Variants in DOCK6 observed in about 807,000 individuals in gnomAD.
DOCK6 encodes the protein dedicator of cytokinesis 6.
Under a neutral mutation model 230.3 loss-of-function variants are expected in DOCK6, and 167 were observed. The observed-to-expected ratio is 0.73, with a 90% CI of 0.64 to 0.82. The LOEUF (loss-of-function observed/expected upper bound fraction) is 0.82. DOCK6 is among the 40% of genes least tolerant of loss of function. The probability of loss-of-function intolerance (pLI) is 0.00; values close to 1 mark genes in which losing one functional copy is unlikely to be tolerated. For synonymous variants in DOCK6, 1,148 were observed against 1,185.0 expected, an observed-to-expected ratio of 0.97 and a Z score of 0.64; for missense variants, 2,598 against 2,825.8, an observed-to-expected ratio of 0.92 and a Z score of 1.83.
chr19:11,211,833 G>A lies in DOCK6; in HGVS notation c.4694C>T (p.Thr1565Met), dbSNP rs375331968. The A allele has an allele frequency of 3.4e-5, 53 of 1,552,350 alleles. No homozygotes were observed. The highest frequency in any genetic ancestry group is 4.3e-5 in the Non-Finnish European group (49 of 1,147,392). The change falls in exon 37 of 48, where the codon ACG becomes ATG. Residue 1565 changes from threonine (T) to methionine (M), a missense_variant. Transcript: ENST00000294618. ...CTCCTGGTGTTCCTTCATCTTCACC[G>A]TGTCCGTCAGGATCATGTGCAGGTT... ...MFNLHMILTD[T>M]VKMKEHQEDP...
chr19:11,248,258 G>T, intron 6 of DOCK6, 107 bp from the exon 7 acceptor site: 2 of 804,566 alleles, frequency 2.5e-6, no homozygotes, highest in South Asian at 1.8e-5. Context: ...CTGACTAACC[G>T]TCTTTCCATC....
chr19:11,255,283 G>A (rs933976462), intron 1 of DOCK6, among the ~76,000 whole-genome samples: 16 of 150,628 alleles, frequency 1.1e-4, no homozygotes, highest in African/African-American at 3.4e-4. Context: ...GGGATTACAG[G>A]CATGAGCCAC....
chr19:11,249,533 AT>A (rs1400667927), intron 6 of DOCK6, among the ~76,000 whole-genome samples: 1 of 150,780 alleles, frequency 6.6e-6, no homozygotes, highest in Non-Finnish European at 1.5e-5. Flanking sequence ...TATTTTATAT[AT>A]TTTTTTACCT....
At position 11,215,514 on chromosome 19, in the gene DOCK6, G is replaced by A; in HGVS notation, c.4022-43C>T. On this transcript the variant is annotated intron_variant, in intron 31 of 47. Coordinates refer to ENST00000294618, the MANE Select transcript of DOCK6 (RefSeq NM_020812.4). ...ACGATCACAGATGCGTAAAAACACA[G>A]GGCACACGTGAACATCAGGAGAAAT... 1.9e-6 allele frequency: 3 copies of A among 1,556,604 alleles called. 1 individual carries two copies. Among genetic ancestry groups the A allele is most frequent in the South Asian group, 2.3e-5 (2 of 88,416 alleles).
chr19:11,245,931 A>C (rs2080025936), intron 7 of DOCK6, 53 bp from the exon 8 acceptor site: 2 of 1,547,814 alleles, frequency 1.3e-6, no homozygotes, highest in African/African-American at 2.7e-5. Flanking sequence ...CGCTGTCCAC[A>C]CACCCCACTC....
intron 24 of DOCK6, among the ~76,000 whole-genome samples, chr19:11,224,224 T>C (rs1472039891): frequency 3.3e-5 from 5 of 151,426 alleles, no homozygotes. Flanking sequence ...CTTTTTTTTT[T>C]TTTTGAGACG....
In DOCK6 at chr19:11,201,853, CT is replaced by C; in HGVS notation, c.5688+35del. On this transcript the variant is annotated intron_variant, in intron 44 of 47. Transcript: ENST00000294618. The surrounding 1 kb of genome is among the most constrained non-coding windows in gnomAD (Gnocchi z 4.3). ...CTCCCAGGGTCTGATGTCCCCTCAC[CT>C]CCCCACCCCCGCCAGGCCCAGGATC... 7 of 1,485,822 alleles carry C rather than the reference CT, an allele frequency of 4.7e-6. No homozygotes were observed. Among genetic ancestry groups the C allele is most frequent in the South Asian group, 3.7e-5 (3 of 81,930 alleles). The allele number at this position is 1,485,822 out of a possible 1,614,324, so 92.0% of individuals were successfully genotyped here.
At chr19:11,235,963 C>T in intron 20 of DOCK6, 1 of 616,220 alleles carries the variant, frequency 1.6e-6, no homozygotes, top group East Asian at 3.3e-5. Flanking sequence ...TCACTGTCAC[C>T]TCCGCCTCCC....
chr19:11,201,121 G>T lies in DOCK6; in HGVS notation c.5689-69C>A, dbSNP rs2079162659. On this transcript the variant is annotated intron_variant, in intron 44 of 47. Transcript: ENST00000294618. This position sits in a 1 kb window ranked among gnomAD's most constrained non-coding sequence, Gnocchi z 4.3. ...AGGTCCTGATCGAAGCCAGTCGGGG[G>T]CAGCTCAGACCCCGCTGGGAGTGAG... The T allele has an allele frequency of 6.3e-7, 1 of 1,576,670 alleles. No homozygotes were observed. The highest frequency in any genetic ancestry group is 1.1e-5 in the South Asian group (1 of 87,896).
Position 11,208,983 on chromosome 19 carries a change from G to A in DOCK6, c.4872C>T (p.Ala1624=), listed in dbSNP as rs1292400751. Residue 1624 remains alanine (A), a synonymous_variant, in exon 38 of 48, where the codon GCC becomes GCT. Transcript: ENST00000294618. ...AEAAQCMVHA[A]ALVAEYLALL... is the part of the protein sequence containing the mutation. ...GGGCGAGGTACTCAGCCACGAGGGC[G>A]GCCGCGTGCACCATGCACTGGGCGG... 1.9e-5 allele frequency: 31 copies of A among 1,607,404 alleles called. No individual in the cohort carries two copies. Among genetic ancestry groups the A allele is most frequent in the East Asian group, 6.7e-5 (3 of 44,680 alleles).
Position 11,201,038 on chromosome 19 carries a change from T to C in DOCK6, c.5703A>G (p.Pro1901=), listed in dbSNP as rs2147691460. 2 of 1,613,772 alleles carry C rather than the reference T, an allele frequency of 1.2e-6. No individual in the cohort carries two copies. Among genetic ancestry groups the C allele is most frequent in the Non-Finnish European group, 1.7e-6 (2 of 1,179,852 alleles). ...VCHREETVLT[P]VEVAIEDMQK... ...GCATGTCCTCGATGGCCACCTCCAC[T>C]GGCGTCAGCACCGTCTGTGGGGTAA... The change falls in exon 45 of 48, where the codon CCA becomes CCG. Residue 1901 remains proline, a synonymous_variant. Coordinates refer to ENST00000294618, the MANE Select transcript of DOCK6 (RefSeq NM_020812.4). This position sits in a 1 kb window ranked among gnomAD's most constrained non-coding sequence, Gnocchi z 4.3.
At chr19:11,240,299 A>T (rs746465568) in intron 14 of DOCK6, 1 of 1,566,218 alleles carries the variant, frequency 6.4e-7, no homozygotes, top group South Asian at 1.2e-5. Flanking sequence ...TCTTAAAGGT[A>T]AGGAGCTCCC....
chr19:11,261,733 C>A (rs10406834), intron 1 of DOCK6, among the ~76,000 whole-genome samples: 1 of 151,912 alleles, frequency 6.6e-6, no homozygotes, highest in South Asian at 2.1e-4. Context: ...TGGTTCTGTC[C>A]CCAGCCCCCA....
chr19:11,249,854 C>T (rs1366927963), intron 6 of DOCK6, among the ~76,000 whole-genome samples: 5 of 135,512 alleles, frequency 3.7e-5, no homozygotes, highest in South Asian at 2.6e-4. Context: ...GCCGAGATAG[C>T]GCCACTGCAG....
At position 11,202,079 on chromosome 19, in the gene DOCK6, T is replaced by C. The variant is rs62129147; in HGVS notation, c.5498A>G (p.Glu1833Gly). 7 of 1,613,972 alleles carry C rather than the reference T, an allele frequency of 4.3e-6. No individual in the cohort carries two copies. Among genetic ancestry groups the C allele is most frequent in the Non-Finnish European group, 5.1e-6 (6 of 1,179,900 alleles). ...AAAGTAGGTCACCCGGTCCTTGAGCTCGTAGGTATCAAAGTACGGTTCCAC... is the reference window on the plus strand; with the variant it reads ...AAAGTAGGTCACCCGGTCCTTGAGCCCGTAGGTATCAAAGTACGGTTCCAC... The part of the protein sequence containing the change: ...TYVEPYFDTY[E>G]LKDRVTYFDR... The change falls in exon 44 of 48, where the codon GAG becomes GGG. Residue 1833 changes from glutamate (E) to glycine (G), a missense_variant. Glu to Gly is a moderately conservative substitution (Grantham distance 98, BLOSUM62 -2). Transcript: ENST00000294618. The surrounding 1 kb of genome is among the most constrained non-coding windows in gnomAD (Gnocchi z 5.3).
At chr19:11,204,032 C>T (rs1299951143) in intron 41 of DOCK6, 49 bp downstream of exon 41, 1 of 1,549,118 alleles carries the variant, frequency 6.5e-7, no homozygotes. Flanking sequence ...GCTGGCCAGT[C>T]ATCACGGGGG....
chr19:11,235,510 C>G, intron 21 of DOCK6, 88 bp downstream of exon 21: 1 of 1,369,108 alleles, frequency 7.3e-7, no homozygotes, highest in East Asian at 2.5e-5. Flanking sequence ...CTCGGCCTCC[C>G]AAAGTCCTGG....
At chr19:11,212,212 A>G (rs2147745622) in intron 35 of DOCK6, 61 bp from the exon 36 acceptor site, 2 of 1,561,744 alleles carry the variant, frequency 1.3e-6, no homozygotes, top group Non-Finnish European at 1.7e-6. Context: ...CCCACATCAG[A>G]GTCTGCTCAA....
In DOCK6 at chr19:11,243,570, A is replaced by G; in HGVS notation, c.1245T>C (p.Ser415=). The G allele has an allele frequency of 6.2e-7, 1 of 1,605,072 alleles. No individual in the cohort carries two copies. Among genetic ancestry groups the G allele is most frequent in the Non-Finnish European group, 8.5e-7 (1 of 1,176,838 alleles). Residue 415 remains serine (S), a synonymous_variant, in exon 11 of 48, where the codon TCT becomes TCC. Coordinates refer to ENST00000294618, the MANE Select transcript of DOCK6 (RefSeq NM_020812.4). This position sits in a 1 kb window ranked among gnomAD's most constrained non-coding sequence, Gnocchi z 6.3. ...CCGCCTCCTCACCGCCCTCCGAGTC[A>G]GAGTCCCGGTCCAGCTGCCCAGCGC... is the stretch of plus-strand genomic sequence containing the variant. The part of the protein sequence containing the change: ...VSSAGQLDRD[S]DSEGERRPAW...
Sources: gnomAD v4.1 joint callset for allele counts (sites outside exome capture counted in the v4.1 genomes callset) on GRCh38, gnomAD v4.1.1 for gene constraint, Gnocchi (gnomAD v3.1) non-coding constraint, MANE v1.5 for transcripts, NCBI Gene and HGNC (gene_info 2026-07-23, HGNC 2026-07-21) for gene names.